The following CYP2C19 variants were observed in gnomAD, a reference collection of about 807,000 sequenced individuals.
CYP2C19 encodes cytochrome P450 2C19.
A neutral mutation model predicts 40.9 loss-of-function variants in CYP2C19; 59 were observed. The ratio of observed to expected loss-of-function variants is 1.44; its 90% CI spans 1.17 to 1.79. The LOEUF is 1.79. Among genes scored for constraint, CYP2C19 ranks in the 40% most tolerant of loss-of-function variants. The pLI is 0.00. For synonymous variants in CYP2C19, 253 were observed against 208.7 expected (o/e 1.21, Z -1.83); for missense variants, 754 against 596.9 (o/e 1.26, Z -2.74).
chr10:94,847,888 T>C (rs1336734772), intron 7 of CYP2C19, among the ~76,000 whole-genome samples: 1 of 152,220 alleles, frequency 6.6e-6, no homozygotes, highest in Non-Finnish European at 1.5e-5. Flanking sequence ...TTCAGAAGTG[T>C]CTGTTCATAT....
At chr10:94,828,646 G>T (rs1485499612) in intron 6 of CYP2C19, among the ~76,000 whole-genome samples, 1 of 150,154 alleles carries the variant, frequency 6.7e-6, no homozygotes, top group Non-Finnish European at 1.5e-5. Context: ...TTTAATTGGA[G>T]CATTTAGTCC....
chr10:94,795,290 G>T (rs561245644), intron 5 of CYP2C19, among the ~76,000 whole-genome samples: 2 of 151,830 alleles, frequency 1.3e-5, no homozygotes, highest in African/African-American at 4.8e-5. Flanking sequence ...TGCTGAGAAT[G>T]ATGGTTTCCA....
chr10:94,805,392 C>A (rs1012656648), intron 5 of CYP2C19, among the ~76,000 whole-genome samples: 3 of 152,072 alleles, frequency 2.0e-5, no homozygotes, highest in Non-Finnish European at 2.9e-5. Context: ...TGGGATAAAT[C>A]TAACTTGTTT....
In CYP2C19 at chr10:94,842,948, A is replaced by G; in HGVS notation, c.1073A>G (p.Tyr358Cys). Residue 358 changes from tyrosine (Y) to cysteine (C), a missense_variant, in exon 7 of 9, where the codon TAC becomes TGC. Physicochemically the swap from Tyr to Cys is radical, Grantham distance 194. Coordinates refer to ENST00000371321, the MANE Select transcript of CYP2C19 (RefSeq NM_000769.4). ...GCTGTGGTGCACGAGGTCCAGAGAT[A>G]CATCGACCTCATCCCCACCAGCCTG... ...TDAVVHEVQR[Y>C]IDLIPTSLPH... 1 of 1,614,204 alleles carries G rather than the reference A, an allele frequency of 6.2e-7. No homozygotes were observed. The highest frequency in any genetic ancestry group is 8.5e-7 in the Non-Finnish European group (1 of 1,180,032).
chr10:94,778,841 T>C (rs1218823682), intron 3 of CYP2C19, among the ~76,000 whole-genome samples: 1 of 152,094 alleles, frequency 6.6e-6, no homozygotes, highest in Non-Finnish European at 1.5e-5. Context: ...CTATTTACAA[T>C]AGCAAAGACT....
chr10:94,836,123 G>T (rs1392676698), intron 6 of CYP2C19, among the ~76,000 whole-genome samples: 1 of 152,234 alleles, frequency 6.6e-6, no homozygotes, highest in Non-Finnish European at 1.5e-5. Context: ...GGCTCTTCAA[G>T]TAATAGAGCC....
intron 1 of CYP2C19, among the ~76,000 whole-genome samples, chr10:94,772,661 A>G (rs1229398058): frequency 1.3e-5 from 2 of 152,212 alleles, no homozygotes; most frequent in African/African-American, 4.8e-5. Flanking sequence ...AAATACAGGA[A>G]AAGTGGAAGC....
At chr10:94,845,598 T>G (rs370559110) in intron 7 of CYP2C19, among the ~76,000 whole-genome samples, 167 of 152,334 alleles carry the variant, frequency 1.1e-3, no homozygotes, top group African/African-American at 3.9e-3. Flanking sequence ...TTTTTTTGTT[T>G]TAGCTCTTAT....
chr10:94,838,657 G>A (rs924209267), intron 6 of CYP2C19, among the ~76,000 whole-genome samples: 1 of 151,966 alleles, frequency 6.6e-6, no homozygotes, highest in Non-Finnish European at 1.5e-5. Flanking sequence ...TGTTGAAGGG[G>A]GATCCTTGTT....
chr10:94,826,802 A>G (rs1177666932), intron 6 of CYP2C19, among the ~76,000 whole-genome samples: 1 of 152,166 alleles, frequency 6.6e-6, no homozygotes, highest in East Asian at 1.9e-4. Context: ...GGTTTGTCAT[A>G]GATAGCTCTT....
At chr10:94,821,637 A>G (rs1442506942) in intron 6 of CYP2C19, among the ~76,000 whole-genome samples, 1 of 152,206 alleles carries the variant, frequency 6.6e-6, no homozygotes, top group East Asian at 1.9e-4. Context: ...ACTTTACTTT[A>G]GAAATTTTAA....
intron 3 of CYP2C19, among the ~76,000 whole-genome samples, chr10:94,778,153 C>A (rs770362563): frequency 5.9e-5 from 9 of 152,096 alleles, no homozygotes; most frequent in Non-Finnish European, 1.0e-4. Flanking sequence ...AAACCTGGAG[C>A]CCATGCAATC....
chr10:94,840,387 T>C (rs1246276512), intron 6 of CYP2C19, among the ~76,000 whole-genome samples: 2 of 151,960 alleles, frequency 1.3e-5, no homozygotes, highest in African/African-American at 4.8e-5. Flanking sequence ...TGTCGAGAGC[T>C]GTATACCTAA....
At chr10:94,781,789 T>C (rs773448686) in intron 4 of CYP2C19, 32 bp from the exon 5 acceptor site, 4 of 1,218,118 alleles carry the variant, frequency 3.3e-6, no homozygotes, top group Non-Finnish European at 3.3e-6. Flanking sequence ...TATTAAATGC[T>C]TTTAATTTAA....
chr10:94,850,127 A>G (rs569355875), intron 8 of CYP2C19, 69 bp downstream of exon 8: 58 of 1,554,730 alleles, frequency 3.7e-5, no homozygotes, highest in African/African-American at 3.5e-4. Context: ...TGGAACTTAC[A>G]TGTGCCTTCT....
chr10:94,815,874 A>T (rs1052586660), intron 5 of CYP2C19, among the ~76,000 whole-genome samples: 5 of 152,194 alleles, frequency 3.3e-5, no homozygotes, highest in Non-Finnish European at 7.3e-5. Context: ...TATTGAGTCC[A>T]TGTACCTTTC....
chr10:94,828,234 C>T (rs1294986982), intron 6 of CYP2C19, among the ~76,000 whole-genome samples: 5 of 151,444 alleles, frequency 3.3e-5, no homozygotes, highest in African/African-American at 4.8e-5. Flanking sequence ...CTTTCTGTCT[C>T]GTTGATCTGT....
rs1043627980 is a variant in CYP2C19 at position 94,847,546 on chromosome 10, A to C, written c.1150-2371A>C. Among the ~76,000 whole-genome samples, 3 of 152,226 alleles carry C rather than the reference A, an allele frequency of 2.0e-5. No individual in the cohort carries two copies. The South Asian group carries it at 6.2e-4, about 32-fold the overall frequency. ...AGTGCTGCAATAAATATACGTGTGC[A>C]TGTGTCTTTATAGTAGCATGATTTA... On this transcript the variant is annotated intron_variant, in intron 7 of 8. Transcript: ENST00000371321.
Position 94,762,765 on chromosome 10 carries a change from G to C in CYP2C19, c.60G>C (p.Trp20Cys), listed in dbSNP as rs769429735. The C allele has an allele frequency of 1.7e-5, 28 of 1,613,940 alleles. No individual in the cohort carries two copies. Among genetic ancestry groups the C allele is most frequent in the South Asian group, 1.6e-4 (15 of 91,076 alleles). The change falls in exon 1 of 9, where the codon TGG becomes TGC. Residue 20 changes from tryptophan to cysteine, a missense_variant. Transcript: ENST00000371321. ...CATGTTTGCTTCTCCTTTCAATCTG[G>C]AGACAGAGCTCTGGGAGAGGAAAAC... ...CLSCLLLLSI[W>C]RQSSGRGKLP...
Sources: gnomAD v4.1 joint callset for allele counts (sites outside exome capture counted in the v4.1 genomes callset) on GRCh38, gnomAD v4.1.1 for gene constraint, MANE v1.5 for transcripts, NCBI Gene and HGNC (gene_info 2026-07-23, HGNC 2026-07-21) for gene names.